FRMD3: variants seen among roughly 807,000 people sequenced by gnomAD.
FRMD3 encodes the protein FERM domain-containing protein 3.
A neutral mutation model predicts 70.2 loss-of-function variants in FRMD3; 33 were observed. The observed-to-expected ratio is 0.47, with a 90% CI of 0.36 to 0.63. The LOEUF (loss-of-function observed/expected upper bound fraction) is 0.63, where lower values mean the gene tolerates loss of function less well. Among genes scored for constraint, FRMD3 ranks in the 20% least tolerant of loss-of-function variants. The pLI, the probability that FRMD3 is intolerant of heterozygous loss-of-function variation, is 0.00. For missense variants in FRMD3, 632 were observed against 711.4 expected, an observed-to-expected ratio of 0.89 and a Z score of 1.27; for synonymous variants, 279 against 255.9, an observed-to-expected ratio of 1.09 and a Z score of -0.86.
At chr9:83,423,600 T>TTTTTTC (rs776890822) in intron 1 of FRMD3, among the ~76,000 whole-genome samples, 2 of 136,392 alleles carry the variant, frequency 1.5e-5, no homozygotes, top group Non-Finnish European at 3.1e-5. Context: ...TTTTTTTTTT[T>TTTTTTC]TTTTTTTTTT....
chr9:83,530,468 T>C (rs1013687031), intron 1 of FRMD3, among the ~76,000 whole-genome samples: 5 of 152,180 alleles, frequency 3.3e-5, no homozygotes, highest in Admixed American at 3.3e-4. Context: ...AGATTAGTGG[T>C]TGCCTAGGAC....
At chr9:83,544,244 T>C in the FRMD3 span, among the ~76,000 whole-genome samples, 1 of 152,090 alleles carries the variant, frequency 6.6e-6, no homozygotes, top group African/African-American at 2.4e-5. Context: ...GACAGAGGCA[T>C]GATAGGGAAG....
chr9:83,545,355 T>C, the FRMD3 span, among the ~76,000 whole-genome samples: 3 of 126,308 alleles, frequency 2.4e-5, no homozygotes, highest in Non-Finnish European at 3.4e-5. Flanking sequence ...TGTTTTTTTT[T>C]GTTTTTTTTT....
chr9:83,339,448 C>T lies in FRMD3; in HGVS notation c.472+3742G>A, dbSNP rs550317059. On this transcript the variant is annotated intron_variant, in intron 5 of 13. Transcript: ENST00000304195. ...CCCTGCGGTTTGAAACCAGCTCTAG[C>T]ACTTTTCTAAAAGGATTCAATTCTA... Among the ~76,000 whole-genome samples the T allele has an allele frequency of 1.5e-3, 223 of 152,262 alleles. 1 individual carries two copies. The highest frequency in any genetic ancestry group is 5.0e-3 in the African/African-American group (208 of 41,552).
chr9:83,332,036 T>C, intron 6 of FRMD3: 1 of 634,552 alleles, frequency 1.6e-6, no homozygotes, highest in East Asian at 2.8e-5. Flanking sequence ...TGAGTGACAA[T>C]GGTGGGCGGA....
chr9:83,253,852 CTT>C (rs1832545266), intron 13 of FRMD3, among the ~76,000 whole-genome samples: 1 of 152,186 alleles, frequency 6.6e-6, no homozygotes, highest in South Asian at 2.1e-4. Context: ...CTGGCAAAGA[CTT>C]GGAACCAACC....
Position 83,247,769 on chromosome 9 carries a change from T to C in FRMD3, c.*149A>G, listed in dbSNP as rs1832179415. On this transcript the variant is annotated 3_prime_UTR_variant, in exon 14 of 14. Transcript: ENST00000304195. Reference sequence around the variant, plus strand: ...TTTAAACTTATTTAAGTGCAGTGAATTATGGAAAGCTAACTTAAAGGTTTG... The same window carrying C: ...TTTAAACTTATTTAAGTGCAGTGAACTATGGAAAGCTAACTTAAAGGTTTG... The C allele has an allele frequency of 6.8e-7, 1 of 1,479,242 alleles. No individual in the cohort carries two copies. The highest frequency in any genetic ancestry group is 8.9e-7 in the Non-Finnish European group (1 of 1,120,372). 91.6% of individuals were successfully genotyped at this position (1,479,242 alleles called of 1,614,324 possible).
chr9:83,492,015 T>G (rs1260224341), intron 1 of FRMD3, among the ~76,000 whole-genome samples: 1 of 152,212 alleles, frequency 6.6e-6, no homozygotes, highest in African/African-American at 2.4e-5. Flanking sequence ...ACTCTTGTCT[T>G]TATTTGTAAA....
chr9:83,479,227 A>G (rs1468323588), intron 1 of FRMD3, among the ~76,000 whole-genome samples: 1 of 151,656 alleles, frequency 6.6e-6, no homozygotes, highest in Non-Finnish European at 1.5e-5. Context: ...AGGTGAGAGG[A>G]TCTCTTGAAA....
chr9:83,378,478 ATATATATAATATACATATAAAATT>A lies in FRMD3; in HGVS notation c.253-5547_253-5524del, dbSNP rs1825223496. Reference sequence around the variant, plus strand: ...TATATATAATATACATATAAAATTTATATATATAATATACATATAAAATTTATATATATAATATACATATAAAAT... The same window carrying A: ...TATATATAATATACATATAAAATTTATATATATATAATATACATATAAAAT... On this transcript the variant is annotated intron_variant, in intron 2 of 13. Coordinates refer to ENST00000304195, the MANE Select transcript of FRMD3 (RefSeq NM_174938.6). 3.6e-5 allele frequency among the ~76,000 whole-genome samples: 3 copies of A among 82,330 alleles called. No individual in the cohort carries two copies. The East Asian group carries it at 1.0e-3, about 28-fold the overall frequency. The allele number at this position is 82,330 out of a possible 152,430, so 54.0% of individuals were successfully genotyped here. A position where few individuals can be genotyped will look rare whatever the true frequency, so the allele number is the denominator to read the frequency against.
intron 1 of FRMD3, among the ~76,000 whole-genome samples, chr9:83,531,759 T>C (rs1829796083): frequency 6.6e-6 from 1 of 152,230 alleles, no homozygotes; most frequent in South Asian, 2.1e-4. Flanking sequence ...AAGCTAACCT[T>C]TTCTTCAACT....
intron 10 of FRMD3, among the ~76,000 whole-genome samples, chr9:83,303,405 T>C (rs1193616400): frequency 6.6e-6 from 1 of 152,342 alleles, no homozygotes; most frequent in Middle Eastern, 3.4e-3. Flanking sequence ...GATTTCAGTA[T>C]TTAAAAAATC....
At chr9:83,339,895 T>A (rs1823699566) in intron 5 of FRMD3, among the ~76,000 whole-genome samples, 1 of 152,160 alleles carries the variant, frequency 6.6e-6, no homozygotes, top group African/African-American at 2.4e-5. Flanking sequence ...GTTAAATGAA[T>A]CAGGCACAAT....
At chr9:83,453,772 G>A (rs891123988) in intron 1 of FRMD3, among the ~76,000 whole-genome samples, 14 of 140,104 alleles carry the variant, frequency 1.0e-4, no homozygotes, top group Non-Finnish European at 1.5e-4. Flanking sequence ...CTAGAGTGCA[G>A]TGGCATGATC....
chr9:83,482,315 T>C (rs117328656), intron 1 of FRMD3, among the ~76,000 whole-genome samples: 1 of 152,380 alleles, frequency 6.6e-6, no homozygotes, highest in East Asian at 1.9e-4. Flanking sequence ...GGAAAAGAGT[T>C]TTTCTTTCTT....
intron 1 of FRMD3, among the ~76,000 whole-genome samples, chr9:83,481,982 A>G (rs558772529): frequency 1.6e-4 from 25 of 152,066 alleles, no homozygotes; most frequent in Non-Finnish European, 3.2e-4. Context: ...AAAAACAGCA[A>G]CAACAACAAA....
At chr9:83,313,618 A>G in intron 7 of FRMD3, 42 bp downstream of exon 7, 1 of 1,506,652 alleles carries the variant, frequency 6.6e-7, no homozygotes. Context: ...TCTTTTGGGC[A>G]AAACAACCAT....
intron 5 of FRMD3, among the ~76,000 whole-genome samples, chr9:83,338,156 G>A (rs759325475): frequency 4.6e-5 from 7 of 152,142 alleles, no homozygotes; most frequent in Non-Finnish European, 1.0e-4. Flanking sequence ...TGTAGGGAGA[G>A]ATGCTCAAAC....
intron 1 of FRMD3, among the ~76,000 whole-genome samples, chr9:83,530,993 G>A (rs1829780873): frequency 6.6e-6 from 1 of 152,138 alleles, no homozygotes; most frequent in African/African-American, 2.4e-5. Context: ...ACTGCTTCAG[G>A]GGTAAGCATG....
Sources: allele counts gnomAD v4.1 joint callset (sites outside exome capture counted in the v4.1 genomes callset), GRCh38; gene constraint gnomAD v4.1.1; transcripts MANE v1.5; gene names NCBI Gene and HGNC (gene_info 2026-07-23, HGNC 2026-07-21).